SCARB2: variants seen among roughly 807,000 people sequenced by gnomAD.
SCARB2 encodes lysosome membrane protein 2.
A neutral mutation model predicts 58.6 loss-of-function variants in SCARB2; 29 were observed. That is an observed-to-expected ratio of 0.49 (90% CI 0.37 to 0.67). The LOEUF (loss-of-function observed/expected upper bound fraction) is 0.67, where lower values mean the gene tolerates loss of function less well. Ranked by LOEUF, SCARB2 falls within the 30% of genes least tolerant of loss-of-function variation. The probability of loss-of-function intolerance (pLI) is 0.00; values close to 1 mark genes in which losing one functional copy is unlikely to be tolerated. For synonymous variants in SCARB2, 195 were observed against 210.1 expected (o/e 0.93, Z 0.62); for missense variants, 488 against 578.5 (o/e 0.84, Z 1.60).
chr4:76,187,071 T>C (rs1732501845), intron 2 of SCARB2, among the ~76,000 whole-genome samples: 2 of 152,142 alleles, frequency 1.3e-5, no homozygotes, highest in South Asian at 4.1e-4. Context: ...TAGGACAGAA[T>C]TAGACAGTAT....
At chr4:76,215,930 G>C (rs1175600748), upstream of SCARB2, among the ~76,000 whole-genome samples, 1 of 152,168 alleles carries the variant, frequency 6.6e-6, no homozygotes, top group Non-Finnish European at 1.5e-5. Context: ...GTGTTGGTGT[G>C]GTAGGTTACT....
chr4:76,216,369 A>G (rs1733207818), upstream of SCARB2, among the ~76,000 whole-genome samples: 3 of 152,164 alleles, frequency 2.0e-5, no homozygotes, highest in Admixed American at 2.0e-4. Context: ...TCAGAAGTTC[A>G]TGCTCACACT....
intron 2 of SCARB2, among the ~76,000 whole-genome samples, chr4:76,190,035 GT>G (rs1732571681): frequency 6.6e-6 from 1 of 150,428 alleles, no homozygotes; most frequent in South Asian, 2.1e-4. Flanking sequence ...TGAGATGGGG[GT>G]CTTACCCTGT....
intron 2 of SCARB2, chr4:76,184,676 G>A: frequency 1.3e-5 from 3 of 239,208 alleles, no homozygotes; most frequent in Non-Finnish European, 2.5e-5. Context: ...CAGCTACTTG[G>A]GAGGCTAAGG....
At chr4:76,171,967 AGT>A (rs61518738) in intron 7 of SCARB2, among the ~76,000 whole-genome samples, 30,687 of 151,318 alleles carry the variant, frequency 0.2, 3,594 homozygotes, top group East Asian at 0.35. Flanking sequence ...GTGCACCATG[AGT>A]GTGTGTGCAC....
At chr4:76,213,257 C>G in intron 1 of SCARB2, 170 bp downstream of exon 1, 1 of 676,976 alleles carries the variant, frequency 1.5e-6, no homozygotes, top group Non-Finnish European at 2.7e-6. Flanking sequence ...CATCCTTCCT[C>G]ATCCTTCTTT....
At chr4:76,176,003 C>G (rs1194411453) in intron 5 of SCARB2, 93 bp from the exon 6 acceptor site, 1 of 1,433,284 alleles carries the variant, frequency 7.0e-7, no homozygotes, top group African/African-American at 1.4e-5. Flanking sequence ...TTAACTGGAG[C>G]TGTCTATCCA....
intron 9 of SCARB2, among the ~76,000 whole-genome samples, chr4:76,167,982 T>C (rs940841505): frequency 2.0e-5 from 3 of 152,066 alleles, no homozygotes; most frequent in East Asian, 3.9e-4. Context: ...CCCAGCCAGG[T>C]ATTTCTTTAT....
intron 1 of SCARB2, among the ~76,000 whole-genome samples, chr4:76,229,503 G>A (rs760041424): frequency 5.9e-5 from 9 of 152,164 alleles, no homozygotes; most frequent in South Asian, 2.1e-4. Flanking sequence ...ACTCAAGGCC[G>A]CTGTTCAGAT....
chr4:76,185,186 T>G (rs910915343), intron 2 of SCARB2, among the ~76,000 whole-genome samples: 1 of 152,164 alleles, frequency 6.6e-6, no homozygotes, highest in African/African-American at 2.4e-5. Flanking sequence ...TAATTCACAG[T>G]AATTTATTGG....
intron 2 of SCARB2, among the ~76,000 whole-genome samples, chr4:76,181,490 T>C (rs968270712): frequency 1.3e-5 from 2 of 152,230 alleles, no homozygotes; most frequent in African/African-American, 2.4e-5. Context: ...CAATGTCTTC[T>C]TGTTTCTACA....
intron 1 of SCARB2, among the ~76,000 whole-genome samples, chr4:76,205,632 T>C (rs996919080): frequency 6.6e-6 from 1 of 152,204 alleles, no homozygotes; most frequent in African/African-American, 2.4e-5. Context: ...GCACTCTGCC[T>C]CACACTGTCT....
chr4:76,167,588 G>T (rs1053696397), intron 9 of SCARB2, among the ~76,000 whole-genome samples: 1 of 151,344 alleles, frequency 6.6e-6, no homozygotes, highest in Non-Finnish European at 1.5e-5. Flanking sequence ...CATGCTTCCT[G>T]TACAGCCTAC....
At chr4:76,197,955 T>C (rs1296031724) in intron 1 of SCARB2, among the ~76,000 whole-genome samples, 1 of 152,062 alleles carries the variant, frequency 6.6e-6, no homozygotes, top group African/African-American at 2.4e-5. Context: ...GGATAGACCC[T>C]AAGGCAAGGA....
chr4:76,210,867 C>G lies in SCARB2; in HGVS notation c.117+2560G>C, dbSNP rs552174698. Reference sequence around the variant, plus strand: ...TCTCTTACTAAGCTTCCCACACCTACTCATTTGAATTTCATCCCTTTTCCC... The same window carrying G: ...TCTCTTACTAAGCTTCCCACACCTAGTCATTTGAATTTCATCCCTTTTCCC... On this transcript the variant is annotated intron_variant, in intron 1 of 11. Coordinates refer to ENST00000264896, the MANE Select transcript of SCARB2 (RefSeq NM_005506.4). Among the ~76,000 whole-genome samples the G allele has an allele frequency of 6.3e-4, 96 of 152,354 alleles. 1 individual carries two copies. The highest frequency in any genetic ancestry group is 1.3e-3 in the Admixed American group (20 of 15,308).
chr4:76,193,125 G>T (rs1732640282), intron 2 of SCARB2: 1 of 152,422 alleles, frequency 6.6e-6, no homozygotes, highest in Non-Finnish European at 1.5e-5. Context: ...TCCAGACATG[G>T]CTCAAAGGGG....
intron 1 of SCARB2, among the ~76,000 whole-genome samples, chr4:76,231,483 G>A (rs943214098): frequency 6.6e-6 from 1 of 152,062 alleles, no homozygotes; most frequent in Non-Finnish European, 1.5e-5. Context: ...TATATGATAG[G>A]TTTTGAAACA....
At chr4:76,218,966 G>T (rs1733261863) in intron 1 of SCARB2, among the ~76,000 whole-genome samples, 1 of 152,072 alleles carries the variant, frequency 6.6e-6, no homozygotes, top group Non-Finnish European at 1.5e-5. Context: ...TCTATTTTAA[G>T]GATAAGGAAA....
chr4:76,179,744 C>T, intron 3 of SCARB2, 39 bp from the exon 4 acceptor site: 2 of 1,492,212 alleles, frequency 1.3e-6, no homozygotes, highest in Non-Finnish European at 1.9e-6. Context: ...AGCATCCCCT[C>T]CAAAGCACCT....
Sources: allele counts gnomAD v4.1 joint callset (sites outside exome capture counted in the v4.1 genomes callset), GRCh38; gene constraint gnomAD v4.1.1; transcripts MANE v1.5; gene names NCBI Gene and HGNC (gene_info 2026-07-23, HGNC 2026-07-21).